The following PTPRD variants were observed in gnomAD, a reference collection of about 807,000 sequenced individuals.
PTPRD encodes protein tyrosine phosphatase receptor type D.
In PTPRD, 34 loss-of-function variants were observed where a neutral mutation model predicts 214.5. The ratio of observed to expected loss-of-function variants is 0.16; its 90% CI spans 0.12 to 0.21. The LOEUF is 0.21. Ranked by LOEUF, PTPRD falls within the 10% of genes least tolerant of loss-of-function variation. PTPRD has a pLI of 1.00. For synonymous variants in PTPRD, 1,128 were observed against 845.7 expected (o/e 1.33, Z -5.79); for missense variants, 2,545 against 2,398.7 (o/e 1.06, Z -1.27).
chr9:9,853,934 T>G (rs2061039319), intron 5 of PTPRD, among the ~76,000 whole-genome samples: 1 of 152,234 alleles, frequency 6.6e-6, no homozygotes, highest in Admixed American at 6.5e-5. Flanking sequence ...GTGTATACAC[T>G]GTGTAATAAT....
chr9:8,873,578 A>C (rs1275623755), intron 11 of PTPRD, among the ~76,000 whole-genome samples: 6 of 152,188 alleles, frequency 3.9e-5, no homozygotes, highest in African/African-American at 1.4e-4. Context: ...AGTGCTAAAT[A>C]AATAGTTTTC....
chr9:9,916,604 A>T (rs553043151), intron 5 of PTPRD, among the ~76,000 whole-genome samples: 1 of 152,022 alleles, frequency 6.6e-6, no homozygotes, highest in Non-Finnish European at 1.5e-5. Flanking sequence ...AAAGACACAT[A>T]TAGGGTGAAA....
chr9:9,492,452 C>G (rs1449640402), intron 8 of PTPRD, among the ~76,000 whole-genome samples: 1 of 151,794 alleles, frequency 6.6e-6, no homozygotes, highest in Non-Finnish European at 1.5e-5. Context: ...GGATTATGTA[C>G]CACGACCAAA....
At chr9:8,937,799 T>C (rs2154291584) in intron 11 of PTPRD, among the ~76,000 whole-genome samples, 1 of 152,272 alleles carries the variant, frequency 6.6e-6, no homozygotes, top group East Asian at 1.9e-4. Flanking sequence ...TTTAGAACAC[T>C]CAGAGAGGAG....
intron 12 of PTPRD, among the ~76,000 whole-genome samples, chr9:8,717,450 G>A (rs2098449182): frequency 6.6e-6 from 1 of 152,076 alleles, no homozygotes; most frequent in African/African-American, 2.4e-5. Flanking sequence ...ATACAGTTCA[G>A]ATCCTCAAGA....
chr9:9,426,875 G>A (rs1295172993), intron 8 of PTPRD, among the ~76,000 whole-genome samples: 1 of 151,806 alleles, frequency 6.6e-6, no homozygotes, highest in Non-Finnish European at 1.5e-5. Flanking sequence ...CTAACAAACA[G>A]AAAGGGCATC....
chr9:9,271,086 T>A (rs986451908), intron 9 of PTPRD, among the ~76,000 whole-genome samples: 31 of 151,320 alleles, frequency 2.0e-4, no homozygotes, highest in Non-Finnish European at 3.7e-4. Context: ...CCGATTGGGC[T>A]ACTAAGATAT....
chr9:8,884,242 G>T (rs2154222442), intron 11 of PTPRD, among the ~76,000 whole-genome samples: 1 of 152,286 alleles, frequency 6.6e-6, no homozygotes, highest in East Asian at 1.9e-4. Flanking sequence ...CATTGGATGA[G>T]ACCTATTAGG....
intron 12 of PTPRD, among the ~76,000 whole-genome samples, chr9:8,727,427 A>C (rs2154428756): frequency 6.6e-6 from 1 of 152,318 alleles, no homozygotes; most frequent in Non-Finnish European, 1.5e-5. Flanking sequence ...GATGCTGCTA[A>C]TTTAGCTACT....
At chr9:9,581,801 TG>T (rs1319975657) in intron 7 of PTPRD, among the ~76,000 whole-genome samples, 25 of 152,154 alleles carry the variant, frequency 1.6e-4, no homozygotes, top group Non-Finnish European at 2.8e-4. Context: ...GAATAATGTA[TG>T]TAAATCTATT....
chr9:8,914,565 A>T (rs964628864), intron 11 of PTPRD, among the ~76,000 whole-genome samples: 3 of 152,086 alleles, frequency 2.0e-5, no homozygotes, highest in Admixed American at 6.6e-5. Context: ...AGCTGTAATG[A>T]TTGGGAACTG....
At chr9:10,360,451 A>G (rs2097357653) in intron 2 of PTPRD, among the ~76,000 whole-genome samples, 1 of 152,240 alleles carries the variant, frequency 6.6e-6, no homozygotes, top group Non-Finnish European at 1.5e-5. Flanking sequence ...TAATCCACAT[A>G]ACATGTCACA....
At chr9:8,632,852 C>T (rs1442105449) in intron 14 of PTPRD, among the ~76,000 whole-genome samples, 1 of 151,924 alleles carries the variant, frequency 6.6e-6, no homozygotes, top group African/African-American at 2.4e-5. Flanking sequence ...AAGACAGGTG[C>T]ATTTCTTATA....
chr9:8,726,757 T>C (rs2098580325), intron 12 of PTPRD, among the ~76,000 whole-genome samples: 1 of 138,846 alleles, frequency 7.2e-6, no homozygotes, highest in South Asian at 2.4e-4. Flanking sequence ...GCCAACATGG[T>C]GCCACTGCAC....
intron 2 of PTPRD, among the ~76,000 whole-genome samples, chr9:10,580,220 G>A (rs1234720905): frequency 6.6e-6 from 1 of 152,234 alleles, no homozygotes; most frequent in East Asian, 1.9e-4. Context: ...ACAACCTTTC[G>A]AAGCAATAAC....
intron 5 of PTPRD, among the ~76,000 whole-genome samples, chr9:9,890,745 A>G (rs547304914): frequency 1.4e-4 from 21 of 152,084 alleles, no homozygotes; most frequent in African/African-American, 3.6e-4. Flanking sequence ...CACACCATCA[A>G]TCGGAAGGGG....
chr9:9,779,048 C>A (rs1271475946), intron 5 of PTPRD, among the ~76,000 whole-genome samples: 7 of 109,772 alleles, frequency 6.4e-5, no homozygotes, highest in Non-Finnish European at 1.0e-4. Context: ...AGCCTCACAC[C>A]TACAGCCATG....
chr9:8,976,819 G>A (rs2099270461), intron 11 of PTPRD, among the ~76,000 whole-genome samples: 1 of 152,098 alleles, frequency 6.6e-6, no homozygotes, highest in South Asian at 2.1e-4. Flanking sequence ...ATTTTTTGGA[G>A]TGGTTAAAGC....
At chr9:8,826,296 T>A (rs2097173812) in intron 11 of PTPRD, among the ~76,000 whole-genome samples, 1 of 152,152 alleles carries the variant, frequency 6.6e-6, no homozygotes, top group South Asian at 2.1e-4. Context: ...GCATCCAGAA[T>A]AATTTATATA....
Sources: allele counts gnomAD v4.1 joint callset (sites outside exome capture counted in the v4.1 genomes callset), GRCh38; gene constraint gnomAD v4.1.1; transcripts MANE v1.5; gene names NCBI Gene and HGNC (gene_info 2026-07-23, HGNC 2026-07-21).